The following CAP2 variants were observed in gnomAD, a reference collection of about 807,000 sequenced individuals.
CAP2 encodes the protein adenylyl cyclase-associated protein 2.
Under a neutral mutation model 57.7 loss-of-function variants are expected in CAP2, and 24 were observed. That is an observed-to-expected ratio of 0.42 (90% CI 0.30 to 0.58). CAP2 has a LOEUF of 0.58. Ranked by LOEUF, CAP2 falls within the 20% of genes least tolerant of loss-of-function variation. CAP2 has a pLI of 0.22. For synonymous variants in CAP2, 194 were observed against 207.2 expected, an observed-to-expected ratio of 0.94 and a Z score of 0.55; for missense variants, 501 against 590.3, an observed-to-expected ratio of 0.85 and a Z score of 1.57.
intron 4 of CAP2, among the ~76,000 whole-genome samples, chr6:17,468,390 G>C (rs1466678833): frequency 6.6e-6 from 1 of 152,136 alleles, no homozygotes; most frequent in Non-Finnish European, 1.5e-5. Context: ...TTACCACCCA[G>C]TTTCACAAAA....
At chr6:17,422,006 C>A (rs945810124) in intron 2 of CAP2, among the ~76,000 whole-genome samples, 1 of 152,226 alleles carries the variant, frequency 6.6e-6, no homozygotes, top group African/African-American at 2.4e-5. Context: ...CCTCGGCCTC[C>A]CGAAGTGCTG....
intron 9 of CAP2, among the ~76,000 whole-genome samples, chr6:17,541,819 T>G (rs537739960): frequency 1.3e-5 from 2 of 152,346 alleles, no homozygotes; most frequent in Admixed American, 1.3e-4. Context: ...CAAAAACCAC[T>G]GGCTAGAGTA....
At chr6:17,553,326 C>T (rs1182021196) in intron 12 of CAP2, among the ~76,000 whole-genome samples, 1 of 151,994 alleles carries the variant, frequency 6.6e-6, no homozygotes, top group African/African-American at 2.4e-5. Context: ...AAAACCTGAG[C>T]GTTCATGCTA....
intron 4 of CAP2, among the ~76,000 whole-genome samples, chr6:17,483,201 G>C (rs1761336496): frequency 6.6e-6 from 1 of 152,220 alleles, no homozygotes; most frequent in Admixed American, 6.5e-5. Flanking sequence ...CTATCATACT[G>C]TGTTTGTTGT....
At chr6:17,439,530 G>T (rs1251426136) in intron 3 of CAP2, among the ~76,000 whole-genome samples, 3 of 151,296 alleles carry the variant, frequency 2.0e-5, no homozygotes, top group Non-Finnish European at 4.4e-5. Flanking sequence ...GAGAGGGATT[G>T]CACTTTATTT....
rs902420212 is a variant in CAP2 at position 17,440,094 on chromosome 6, A to G, written c.222+13404A>G. Among the ~76,000 whole-genome samples, 5 of 151,612 alleles carry G rather than the reference A, an allele frequency of 3.3e-5. 1 individual carries two copies. Among genetic ancestry groups the G allele is most frequent in the African/African-American group, 1.2e-4 (5 of 40,902 alleles). On this transcript the variant is annotated intron_variant, in intron 3 of 12. Coordinates refer to ENST00000229922, the MANE Select transcript of CAP2 (RefSeq NM_006366.3). Reference sequence around the variant, plus strand: ...GTTTTTATTGGAATCGGTTAAAATTATAAGTTAGTATTAAAATGTTCACAT... The same window carrying G: ...GTTTTTATTGGAATCGGTTAAAATTGTAAGTTAGTATTAAAATGTTCACAT...
At chr6:17,496,037 G>GGGGGC (rs1204207554) in intron 4 of CAP2, among the ~76,000 whole-genome samples, 4 of 132,218 alleles carry the variant, frequency 3.0e-5, no homozygotes, top group African/African-American at 5.6e-5. Context: ...TGGGGGGGGG[G>GGGGGC]GGTAAGTCAG....
At chr6:17,485,450 C>T (rs1761397784) in intron 4 of CAP2, among the ~76,000 whole-genome samples, 1 of 152,130 alleles carries the variant, frequency 6.6e-6, no homozygotes, top group Admixed American at 6.5e-5. Context: ...GCTTGGTAAC[C>T]AGTGAGAATC....
chr6:17,521,440 C>T (rs1490161506), intron 7 of CAP2, among the ~76,000 whole-genome samples: 1 of 151,938 alleles, frequency 6.6e-6, no homozygotes, highest in African/African-American at 2.4e-5. Context: ...GAAGTGTCAT[C>T]AACTAACAAA....
At chr6:17,522,630 G>A (rs1004715975) in intron 7 of CAP2, among the ~76,000 whole-genome samples, 3 of 152,164 alleles carry the variant, frequency 2.0e-5, no homozygotes, top group African/African-American at 7.2e-5. Flanking sequence ...CGTAAGACAT[G>A]AACAATGTAC....
intron 6 of CAP2, 147 bp downstream of exon 6, chr6:17,507,873 G>T (rs1235802810): frequency 2.0e-6 from 1 of 510,792 alleles, no homozygotes; most frequent in Non-Finnish European, 3.5e-6. Context: ...AATCTTTGCA[G>T]ATAAAGTCAA....
At chr6:17,502,692 T>A (rs1482396556) in intron 4 of CAP2, among the ~76,000 whole-genome samples, 1 of 152,186 alleles carries the variant, frequency 6.6e-6, no homozygotes, top group Non-Finnish European at 1.5e-5. Flanking sequence ...ATGGCCTTAA[T>A]AAATCTCTCT....
At chr6:17,439,789 T>C (rs1760020474) in intron 3 of CAP2, among the ~76,000 whole-genome samples, 1 of 151,570 alleles carries the variant, frequency 6.6e-6, no homozygotes, top group South Asian at 2.1e-4. Context: ...ATGCAAGCGA[T>C]GGGGAGTGGC....
chr6:17,508,476 G>A (rs541717725), intron 6 of CAP2, among the ~76,000 whole-genome samples: 36 of 152,284 alleles, frequency 2.4e-4, no homozygotes, highest in Admixed American at 7.2e-4. Context: ...TGATAAGGTC[G>A]TGCCTTGTAC....
intron 4 of CAP2, among the ~76,000 whole-genome samples, chr6:17,492,487 C>T (rs1761568264): frequency 6.6e-6 from 1 of 152,166 alleles, no homozygotes; most frequent in African/African-American, 2.4e-5. Context: ...GACTATGTGC[C>T]GGCGTCCAAA....
At chr6:17,402,547 A>T in intron 1 of CAP2, among the ~76,000 whole-genome samples, 1 of 152,216 alleles carries the variant, frequency 6.6e-6, no homozygotes, top group East Asian at 1.9e-4. Flanking sequence ...AAAGAATGAA[A>T]TTTTGACTCT....
chr6:17,536,767 G>A (rs1391843597), intron 7 of CAP2, among the ~76,000 whole-genome samples: 1 of 152,126 alleles, frequency 6.6e-6, no homozygotes, highest in Non-Finnish European at 1.5e-5. Context: ...TCCCTTCACC[G>A]GCTGTATGAG....
At chr6:17,466,012 C>T (rs892009135) in intron 4 of CAP2, among the ~76,000 whole-genome samples, 1 of 152,162 alleles carries the variant, frequency 6.6e-6, no homozygotes, top group Admixed American at 6.5e-5. Context: ...ATCTGCCGTA[C>T]AAGATCACTC....
At chr6:17,500,340 AATAT>A (rs4052821) in intron 4 of CAP2, among the ~76,000 whole-genome samples, 980 of 33,050 alleles carry the variant, frequency 0.03, 26 homozygotes, top group Non-Finnish European at 0.043. Context: ...TGTGTGTCCA[AATAT>A]ATATATATAT....
Sources: gnomAD v4.1 joint callset for allele counts (sites outside exome capture counted in the v4.1 genomes callset) on GRCh38, gnomAD v4.1.1 for gene constraint, MANE v1.5 for transcripts, NCBI Gene and HGNC (gene_info 2026-07-23, HGNC 2026-07-21) for gene names.